The following HOMER1 variants were observed in gnomAD, a reference collection of about 807,000 sequenced individuals.
The protein encoded by HOMER1 is homer protein homolog 1.
A neutral mutation model predicts 48.9 loss-of-function variants in HOMER1; 3 were observed. That is an observed-to-expected ratio of 0.06 (90% CI 0.03 to 0.16). HOMER1 has a LOEUF of 0.16. HOMER1 is among the 10% of genes least tolerant of loss of function. The pLI, the probability that HOMER1 is intolerant of heterozygous loss-of-function variation, is 1.00. For synonymous variants in HOMER1, 134 were observed against 146.4 expected, an observed-to-expected ratio of 0.92 and a Z score of 0.61; for missense variants, 247 against 411.4, an observed-to-expected ratio of 0.60 and a Z score of 3.46.
intron 1 of HOMER1, among the ~76,000 whole-genome samples, chr5:79,512,208 C>T (rs1171081017): frequency 2.6e-5 from 4 of 152,124 alleles, no homozygotes; most frequent in Admixed American, 2.6e-4. Flanking sequence ...CCGTGGTGAC[C>T]GCATCAGTAA....
chr5:79,444,769 C>T (rs1487780625), intron 4 of HOMER1, among the ~76,000 whole-genome samples: 1 of 152,194 alleles, frequency 6.6e-6, no homozygotes, highest in East Asian at 1.9e-4. Flanking sequence ...CTTCTTATAA[C>T]ACTGGAATCA....
At chr5:79,388,442 T>C (rs1210829143) in intron 8 of HOMER1, among the ~76,000 whole-genome samples, 1 of 152,184 alleles carries the variant, frequency 6.6e-6, no homozygotes, top group Non-Finnish European at 1.5e-5. Context: ...CTACACAAAC[T>C]ATTACAAAAG....
intron 5 of HOMER1, among the ~76,000 whole-genome samples, chr5:79,432,391 T>C (rs1211288163): frequency 2.6e-5 from 4 of 152,212 alleles, no homozygotes; most frequent in African/African-American, 9.6e-5. Context: ...CCAGCTAGTC[T>C]TCTTGAAAAG....
At chr5:79,490,277 T>G (rs1248724648) in intron 1 of HOMER1, among the ~76,000 whole-genome samples, 1 of 152,222 alleles carries the variant, frequency 6.6e-6, no homozygotes, top group Non-Finnish European at 1.5e-5. Context: ...AATATGAGCT[T>G]CTTTTATTTA....
At chr5:79,444,123 C>G (rs144442474) in intron 4 of HOMER1, among the ~76,000 whole-genome samples, 2 of 152,156 alleles carry the variant, frequency 1.3e-5, no homozygotes, top group Non-Finnish European at 2.9e-5. Flanking sequence ...TCCAGAGTTA[C>G]GTTACATTCT....
chr5:79,492,888 A>T (rs1752321367), intron 1 of HOMER1, among the ~76,000 whole-genome samples: 1 of 150,782 alleles, frequency 6.6e-6, no homozygotes, highest in Non-Finnish European at 1.5e-5. Context: ...CAGCAGAATG[A>T]AGAAAACGAA....
At chr5:79,507,212 CAAAAAA>C (rs34697575) in intron 1 of HOMER1, among the ~76,000 whole-genome samples, 1 of 51,902 alleles carries the variant, frequency 1.9e-5, no homozygotes, top group Admixed American at 2.5e-4. Context: ...GGCTCTATCT[CAAAAAA>C]AAAAAAAAAA....
intron 5 of HOMER1, among the ~76,000 whole-genome samples, chr5:79,410,973 T>C (rs1212919360): frequency 2.0e-5 from 3 of 152,192 alleles, no homozygotes; most frequent in African/African-American, 7.2e-5. Flanking sequence ...AGACCAGTGA[T>C]TCAGAAAATA....
chr5:79,386,947 TTTCCTTTCTTCCTTCCC>T (rs1447924211), intron 8 of HOMER1, among the ~76,000 whole-genome samples: 2 of 67,344 alleles, frequency 3.0e-5, no homozygotes, highest in African/African-American at 1.3e-4. Context: ...CCTTCCTTCC[TTTCCTTTCTTCCTTCCC>T]TTCCCTTCTT....
At chr5:79,383,592 G>T (rs1440660154) in intron 8 of HOMER1, among the ~76,000 whole-genome samples, 1 of 151,916 alleles carries the variant, frequency 6.6e-6, no homozygotes, top group Non-Finnish European at 1.5e-5. Context: ...CACCATGTTG[G>T]CCAGGCTGGT....
At chr5:79,466,860 C>T (rs1400139411) in intron 1 of HOMER1, among the ~76,000 whole-genome samples, 2 of 151,950 alleles carry the variant, frequency 1.3e-5, no homozygotes, top group East Asian at 2.0e-4. Context: ...GGCACAATCT[C>T]GGCTCACTGC....
intron 1 of HOMER1, among the ~76,000 whole-genome samples, chr5:79,460,259 A>G (rs6888032): frequency 0.27 from 40,390 of 152,038 alleles, 5,486 homozygotes; most frequent in South Asian, 0.39. Flanking sequence ...TTGAGCTCAC[A>G]AGTTCGAGAC....
At chr5:79,381,410 T>C (rs1156955170) in intron 8 of HOMER1, among the ~76,000 whole-genome samples, 1 of 152,182 alleles carries the variant, frequency 6.6e-6, no homozygotes, top group Non-Finnish European at 1.5e-5. Flanking sequence ...AAACCAGATG[T>C]GTAGATATCA....
intron 5 of HOMER1, among the ~76,000 whole-genome samples, chr5:79,436,194 T>C (rs1224244775): frequency 6.6e-6 from 1 of 152,094 alleles, no homozygotes; most frequent in Non-Finnish European, 1.5e-5. Flanking sequence ...TTAATTGTGT[T>C]CCTTTGTGAT....
At chr5:79,394,044 A>T (rs1187317625) in intron 8 of HOMER1, among the ~76,000 whole-genome samples, 1 of 152,156 alleles carries the variant, frequency 6.6e-6, no homozygotes, top group African/African-American at 2.4e-5. Context: ...ATTTTTTGAA[A>T]TTTTTCTAAT....
At chr5:79,433,114 T>C (rs1197888062) in intron 5 of HOMER1, among the ~76,000 whole-genome samples, 1 of 152,216 alleles carries the variant, frequency 6.6e-6, no homozygotes, top group East Asian at 1.9e-4. Context: ...AGAAATTATT[T>C]CTATTCTAGT....
intron 1 of HOMER1, among the ~76,000 whole-genome samples, chr5:79,469,697 T>A (rs1329457872): frequency 1.3e-5 from 2 of 152,048 alleles, no homozygotes; most frequent in Non-Finnish European, 1.5e-5. Context: ...GAGATGGGGT[T>A]ATGTTGCCCA....
intron 8 of HOMER1, among the ~76,000 whole-genome samples, chr5:79,380,456 C>A (rs145225147): frequency 5.8e-4 from 89 of 152,302 alleles, no homozygotes; most frequent in Middle Eastern, 3.4e-3. Flanking sequence ...GCTACTGCAC[C>A]CAGGCTGAGT....
At chr5:79,379,514 TAC>T (rs199852829) in intron 8 of HOMER1, among the ~76,000 whole-genome samples, 2,447 of 136,472 alleles carry the variant, frequency 0.018, 98 homozygotes, top group African/African-American at 0.063. Flanking sequence ...ACATTTATAT[TAC>T]AGACAGAGAA....
Sources: allele counts gnomAD v4.1 joint callset (sites outside exome capture counted in the v4.1 genomes callset), GRCh38; gene constraint gnomAD v4.1.1; transcripts MANE v1.5; gene names NCBI Gene and HGNC (gene_info 2026-07-23, HGNC 2026-07-21).